Variants in CAMK4 observed in about 807,000 individuals in gnomAD.
The protein encoded by CAMK4 is calcium/calmodulin dependent protein kinase IV.
A neutral mutation model predicts 44.9 loss-of-function variants in CAMK4; 22 were observed. The observed-to-expected ratio is 0.49, with a 90% confidence interval of 0.35 to 0.70. The LOEUF (loss-of-function observed/expected upper bound fraction) is 0.70, where lower values mean the gene tolerates loss of function less well. CAMK4 is among the 30% of genes least tolerant of loss of function. CAMK4 has a pLI of 0.01. For synonymous variants in CAMK4, 218 were observed against 215.4 expected (o/e 1.01, Z -0.11); for missense variants, 498 against 586.8 (o/e 0.85, Z 1.56).
rs1005578547 is a variant in CAMK4 at position 111,486,461 on chromosome 5, A to G, written c.*1995A>G. ...TTAAGCATTAAGATTTCCATTTAAG[A>G]GGATCAATTTCCTGTTGTACTTTTT... On this transcript the variant is annotated 3_prime_UTR_variant, in exon 11 of 11. Coordinates refer to ENST00000282356, the MANE Select transcript of CAMK4 (RefSeq NM_001744.6). 2 of 150,764 alleles carry G rather than the reference A, an allele frequency of 1.3e-5. No homozygotes were observed. The highest frequency in any genetic ancestry group is 2.1e-4 in the South Asian group (1 of 4,752). 9.3% of individuals were successfully genotyped at this position (150,764 alleles called of 1,614,324 possible).
intron 1 of CAMK4, among the ~76,000 whole-genome samples, chr5:111,309,799 G>C (rs1393852326): frequency 6.6e-6 from 1 of 152,126 alleles, no homozygotes; most frequent in Non-Finnish European, 1.5e-5. Context: ...ATGTGGGTTG[G>C]ATATGGGACT....
chr5:111,462,582 T>A (rs1046133757), intron 7 of CAMK4, among the ~76,000 whole-genome samples: 1 of 152,208 alleles, frequency 6.6e-6, no homozygotes, highest in African/African-American at 2.4e-5. Flanking sequence ...GTGTGAAAGC[T>A]CTTCTGATGA....
At chr5:111,391,725 A>T (rs1450179113) in intron 4 of CAMK4, among the ~76,000 whole-genome samples, 3 of 152,194 alleles carry the variant, frequency 2.0e-5, no homozygotes, top group Non-Finnish European at 4.4e-5. Context: ...AAAAAGAATA[A>T]TGAAAGCACT....
At chr5:111,453,709 G>C (rs1580774371) in intron 7 of CAMK4, among the ~76,000 whole-genome samples, 2 of 152,182 alleles carry the variant, frequency 1.3e-5, no homozygotes, top group Admixed American at 1.3e-4. Flanking sequence ...AAGCCACCCA[G>C]GGCCACGCAG....
chr5:111,322,000 T>G (rs1252402525), intron 1 of CAMK4, among the ~76,000 whole-genome samples: 1 of 152,068 alleles, frequency 6.6e-6, no homozygotes, highest in Non-Finnish European at 1.5e-5. Context: ...AAATTAAGAC[T>G]ATGGGGGAGG....
At chr5:111,388,281 G>T (rs1751676396) in intron 4 of CAMK4, among the ~76,000 whole-genome samples, 1 of 152,148 alleles carries the variant, frequency 6.6e-6, no homozygotes, top group South Asian at 2.1e-4. Context: ...TCCCTTGGTT[G>T]TACAAACCTT....
rs759256783 is a variant in CAMK4, at chr5:111,294,241, G to T, written c.162-49783G>T. On this transcript the variant is annotated intron_variant, in intron 1 of 10. Coordinates refer to ENST00000282356, the MANE Select transcript of CAMK4 (RefSeq NM_001744.6). ...TACATTAATAGGAAAGTTAAGAACTGCACAGATGATTGAGTCATGGGCTTA... is the reference window on the plus strand; with the variant it reads ...TACATTAATAGGAAAGTTAAGAACTTCACAGATGATTGAGTCATGGGCTTA... Among the ~76,000 whole-genome samples, 6 of 152,120 alleles carry T rather than the reference G, an allele frequency of 3.9e-5. No homozygotes were observed. The East Asian group carries it at 7.7e-4, about 19-fold the overall frequency.
chr5:111,235,321 C>T (rs1179372196), intron 1 of CAMK4, among the ~76,000 whole-genome samples: 1 of 152,100 alleles, frequency 6.6e-6, no homozygotes, highest in Non-Finnish European at 1.5e-5. Context: ...GTCAGGGCAA[C>T]CACTGAGAAA....
At position 111,333,581 on chromosome 5, in the gene CAMK4, C is replaced by T. The variant is rs368977010; in HGVS notation, c.162-10443C>T. On this transcript the variant is annotated intron_variant, in intron 1 of 10. Coordinates refer to ENST00000282356, the MANE Select transcript of CAMK4 (RefSeq NM_001744.6). ...AGCATTTGGGTTCCAGAGCTTCTTA[C>T]GCTTTTACTTTATGTTAGGGCAGAA... Among the ~76,000 whole-genome samples, 13 of 151,514 alleles carry T rather than the reference C, an allele frequency of 8.6e-5. No homozygotes were observed. In the East Asian group the frequency reaches 9.8e-4, roughly 11 times the overall value.
intron 1 of CAMK4, among the ~76,000 whole-genome samples, chr5:111,300,057 CTTCT>C (rs1747656213): frequency 2.0e-5 from 3 of 152,240 alleles, no homozygotes; most frequent in Non-Finnish European, 4.4e-5. Context: ...CACCTCTTGC[CTTCT>C]TTGTCACTTT....
At chr5:111,368,656 G>A (rs529905034) in intron 2 of CAMK4, among the ~76,000 whole-genome samples, 4 of 152,178 alleles carry the variant, frequency 2.6e-5, no homozygotes, top group African/African-American at 9.6e-5. Flanking sequence ...CTATATAGCT[G>A]TCCATTTCCA....
chr5:111,382,978 A>C (rs1751472513), intron 4 of CAMK4, among the ~76,000 whole-genome samples: 2 of 152,356 alleles, frequency 1.3e-5, no homozygotes, highest in East Asian at 3.9e-4. Flanking sequence ...ATATGTAAAG[A>C]AAACTTATAC....
At position 111,447,930 on chromosome 5, in the gene CAMK4, T is replaced by G. The variant is rs1350607173; in HGVS notation, c.550+1154T>G. On this transcript the variant is annotated intron_variant, in intron 6 of 10. Coordinates refer to ENST00000282356, the MANE Select transcript of CAMK4 (RefSeq NM_001744.6). ...TTCCTTTCACATCACTTTCAAAGAT[T>G]TAATCCTTAAAGCAATTTCTTTAAA... 2.6e-5 allele frequency among the ~76,000 whole-genome samples: 4 copies of G among 152,346 alleles called. No individual in the cohort carries two copies. In the South Asian group the frequency reaches 6.2e-4, roughly 24 times the overall value.
intron 8 of CAMK4, among the ~76,000 whole-genome samples, chr5:111,478,075 T>C (rs1755308380): frequency 6.6e-6 from 1 of 151,220 alleles, no homozygotes; most frequent in Non-Finnish European, 1.5e-5. Context: ...CTATTATTAT[T>C]ATTGTTCTTC....
intron 1 of CAMK4, among the ~76,000 whole-genome samples, chr5:111,235,658 G>A (rs1256454183): frequency 6.6e-6 from 1 of 152,228 alleles, no homozygotes; most frequent in Non-Finnish European, 1.5e-5. Context: ...TTTTCAGGAT[G>A]ATCTCCAGAA....
chr5:111,476,566 C>T (rs761674500), intron 8 of CAMK4, among the ~76,000 whole-genome samples: 2 of 151,702 alleles, frequency 1.3e-5, no homozygotes, highest in South Asian at 2.1e-4. Flanking sequence ...TGTGACCCAC[C>T]GCGCATGGCC....
In CAMK4 at chr5:111,247,272, TATAA is replaced by T. The variant is rs895485323; in HGVS notation, c.161+22632_161+22635del. Among the ~76,000 whole-genome samples the T allele has an allele frequency of 2.2e-4, 33 of 148,850 alleles. 1 individual carries two copies. The highest frequency in any genetic ancestry group is 2.1e-3 in the Admixed American group (31 of 14,902). ...ACACATTGATTCATTTATTTTTATT[TATAA>T]ATATTTTCTATTTATATTAAATATA... On this transcript the variant is annotated intron_variant, in intron 1 of 10. Transcript: ENST00000282356.
chr5:111,473,873 T>C (rs542832050), intron 8 of CAMK4, among the ~76,000 whole-genome samples: 6 of 152,222 alleles, frequency 3.9e-5, no homozygotes, highest in Non-Finnish European at 8.8e-5. Flanking sequence ...TGTTAGGTTT[T>C]CAAGGGTCTT....
chr5:111,244,743 C>T (rs1400411325), intron 1 of CAMK4, among the ~76,000 whole-genome samples: 1 of 152,042 alleles, frequency 6.6e-6, no homozygotes, highest in Non-Finnish European at 1.5e-5. Context: ...TGCCTGTAGT[C>T]CCAGCTACTT....
Sources: allele counts gnomAD v4.1 joint callset (sites outside exome capture counted in the v4.1 genomes callset), GRCh38; gene constraint gnomAD v4.1.1; transcripts MANE v1.5; gene names NCBI Gene and HGNC (gene_info 2026-07-23, HGNC 2026-07-21).